Variants in DSCAM observed in about 807,000 individuals in gnomAD.
DSCAM encodes the protein DS cell adhesion molecule.
A neutral mutation model predicts 217.7 loss-of-function variants in DSCAM; 47 were observed. The ratio of observed to expected loss-of-function variants is 0.22; its 90% CI spans 0.17 to 0.28. The LOEUF is 0.28. DSCAM is among the 10% of genes least tolerant of loss of function. DSCAM has a pLI of 1.00. For missense variants in DSCAM, 2,080 were observed against 2,618.3 expected (o/e 0.79, Z 4.49); for synonymous variants, 1,056 against 1,015.3 (o/e 1.04, Z -0.76).
chr21:40,489,732 G>A (rs2076059420), intron 3 of DSCAM, among the ~76,000 whole-genome samples: 4 of 115,060 alleles, frequency 3.5e-5, no homozygotes, highest in Admixed American at 1.3e-4. Flanking sequence ...CCGAGATCCC[G>A]CCACTGCACT....
At chr21:40,267,713 A>G (rs1012130769) in intron 11 of DSCAM, among the ~76,000 whole-genome samples, 61 of 152,248 alleles carry the variant, frequency 4.0e-4, no homozygotes, top group African/African-American at 1.4e-3. Flanking sequence ...CCTGGCCAAC[A>G]TGCTGAAACC....
chr21:40,607,964 C>T (rs1404271798), intron 3 of DSCAM, among the ~76,000 whole-genome samples: 1 of 152,102 alleles, frequency 6.6e-6, no homozygotes, highest in African/African-American at 2.4e-5. Context: ...AAGGTCCCTT[C>T]TCAGAGGCTG....
chr21:40,479,695 C>A (rs1027955993), intron 3 of DSCAM, among the ~76,000 whole-genome samples: 2 of 152,082 alleles, frequency 1.3e-5, no homozygotes, highest in East Asian at 1.9e-4. Flanking sequence ...CCACTGGGTC[C>A]CTCTCACAAC....
At chr21:40,470,206 T>C (rs187671952) in intron 3 of DSCAM, among the ~76,000 whole-genome samples, 2 of 152,360 alleles carry the variant, frequency 1.3e-5, no homozygotes, top group East Asian at 1.9e-4. Flanking sequence ...TGTAACTTAA[T>C]ACACAAAGCT....
chr21:40,136,747 A>T (rs1466261648), intron 18 of DSCAM, among the ~76,000 whole-genome samples: 1 of 152,082 alleles, frequency 6.6e-6, no homozygotes, highest in East Asian at 1.9e-4. Context: ...GGATCATTTC[A>T]CAATATAGGA....
intron 32 of DSCAM, among the ~76,000 whole-genome samples, chr21:40,021,934 T>A (rs2088280053): frequency 6.6e-6 from 1 of 152,184 alleles, no homozygotes; most frequent in Non-Finnish European, 1.5e-5. Flanking sequence ...CCTGCCTCCT[T>A]TTAGCTGAAA....
chr21:40,574,405 A>AT (rs2076832536), intron 3 of DSCAM, among the ~76,000 whole-genome samples: 1 of 152,208 alleles, frequency 6.6e-6, no homozygotes, highest in Non-Finnish European at 1.5e-5. Flanking sequence ...TAGAAAAAGC[A>AT]TTTGACAACA....
At chr21:40,518,607 T>TAC (rs200677204) in intron 3 of DSCAM, among the ~76,000 whole-genome samples, 9,379 of 109,364 alleles carry the variant, frequency 0.086, 580 homozygotes, top group Admixed American at 0.14. Flanking sequence ...CATATATACA[T>TAC]ACACACACAT....
In DSCAM at chr21:40,708,599, G is replaced by T; in HGVS notation, c.216C>A (p.Ile72=). Reference sequence around the variant, plus strand: ...GAGTGCCGTTGGGGTGGACGTGGCGGATCCCGGGGACATCGTAGATCTCCT... The same window carrying T: ...GAGTGCCGTTGGGGTGGACGTGGCGTATCCCGGGGACATCGTAGATCTCCT... ...TGEEIYDVPG[I]RHVHPNGTLQ... The change falls in exon 2 of 33, where the codon ATC becomes ATA. Residue 72 remains isoleucine, a synonymous_variant. Coordinates refer to ENST00000400454, the MANE Select transcript of DSCAM (RefSeq NM_001389.5). The T allele has an allele frequency of 6.2e-7, 1 of 1,610,922 alleles. No homozygotes were observed. Among genetic ancestry groups the T allele is most frequent in the African/African-American group, 1.3e-5 (1 of 75,018 alleles).
chr21:40,400,501 GT>G (rs1197457661), intron 3 of DSCAM, among the ~76,000 whole-genome samples: 2 of 152,140 alleles, frequency 1.3e-5, no homozygotes, highest in Admixed American at 6.5e-5. Flanking sequence ...ACTGAGGTAA[GT>G]TTTTTTTCTT....
At chr21:40,624,516 G>A (rs972318403) in intron 3 of DSCAM, among the ~76,000 whole-genome samples, 2 of 152,172 alleles carry the variant, frequency 1.3e-5, no homozygotes, top group Admixed American at 1.3e-4. Flanking sequence ...TCATCTCCAA[G>A]TGGGGTGAGA....
intron 18 of DSCAM, among the ~76,000 whole-genome samples, chr21:40,135,259 G>A (rs1015657393): frequency 2.0e-5 from 3 of 152,178 alleles, no homozygotes; most frequent in Non-Finnish European, 2.9e-5. Context: ...AGACCTGCTC[G>A]TCAACTGACA....
intron 1 of DSCAM, among the ~76,000 whole-genome samples, chr21:40,785,280 A>C (rs1011728389): frequency 1.3e-5 from 2 of 152,242 alleles, no homozygotes; most frequent in African/African-American, 4.8e-5. Context: ...CTGTGATAAC[A>C]CTAATAAGAA....
At chr21:40,400,638 A>C (rs568559970) in intron 3 of DSCAM, among the ~76,000 whole-genome samples, 1 of 152,152 alleles carries the variant, frequency 6.6e-6, no homozygotes, top group Non-Finnish European at 1.5e-5. Context: ...GCTGGTTTTG[A>C]ACTCCTAGCC....
At chr21:40,480,135 C>A (rs540026413) in intron 3 of DSCAM, among the ~76,000 whole-genome samples, 2 of 152,204 alleles carry the variant, frequency 1.3e-5, no homozygotes, top group Non-Finnish European at 2.9e-5. Context: ...AGGTCAAACG[C>A]CATTTCTCTG....
intron 3 of DSCAM, among the ~76,000 whole-genome samples, chr21:40,381,610 T>C (rs2123730783): frequency 6.6e-6 from 1 of 152,320 alleles, no homozygotes; most frequent in African/African-American, 2.4e-5. Flanking sequence ...CTGGGCTTAT[T>C]GGCAAAACAC....
intron 11 of DSCAM, among the ~76,000 whole-genome samples, chr21:40,230,722 G>A (rs2091373574): frequency 6.6e-6 from 1 of 152,208 alleles, no homozygotes; most frequent in Non-Finnish European, 1.5e-5. Flanking sequence ...ACTGAAGAGT[G>A]TGTTGTGTTA....
At chr21:40,213,244 G>A (rs1351055901) in intron 11 of DSCAM, among the ~76,000 whole-genome samples, 1 of 152,038 alleles carries the variant, frequency 6.6e-6, no homozygotes, top group Non-Finnish European at 1.5e-5. Context: ...TGGGTATCAA[G>A]GCTTCTAGGG....
chr21:40,016,416 C>T lies in DSCAM; in HGVS notation c.5687-3030G>A, dbSNP rs1158902179. Among the ~76,000 whole-genome samples the T allele has an allele frequency of 1.3e-5, 2 of 152,026 alleles. No homozygotes were observed. The highest frequency in any genetic ancestry group is 6.6e-5 in the Admixed American group (1 of 15,226). On this transcript the variant is annotated intron_variant, in intron 32 of 32. Transcript: ENST00000400454. The surrounding 1 kb of genome is among the most constrained non-coding windows in gnomAD (Gnocchi z 4.3). Reference sequence around the variant, plus strand: ...AAAAGATGAAGGGTTTAGTTTCAGACCTGCTGAGTTTGATGCAGCTGGGGA... The same window carrying T: ...AAAAGATGAAGGGTTTAGTTTCAGATCTGCTGAGTTTGATGCAGCTGGGGA...
Sources: gnomAD v4.1 joint callset for allele counts (sites outside exome capture counted in the v4.1 genomes callset) on GRCh38, gnomAD v4.1.1 for gene constraint, Gnocchi (gnomAD v3.1) non-coding constraint, MANE v1.5 for transcripts, NCBI Gene and HGNC (gene_info 2026-07-23, HGNC 2026-07-21) for gene names.